IL33: variants seen among roughly 807,000 people sequenced by gnomAD.
The protein encoded by IL33 is interleukin-33.
In IL33, 37 loss-of-function variants were observed where a neutral mutation model predicts 27.3. The ratio of observed to expected loss-of-function variants is 1.36; its 90% CI spans 1.04 to 1.78. The LOEUF (loss-of-function observed/expected upper bound fraction) is 1.78, where lower values mean the gene tolerates loss of function less well. IL33 is among the 40% of genes most tolerant of loss of function. IL33 has a pLI of 0.00. For missense variants in IL33, 406 were observed against 311.4 expected (o/e 1.30, Z -2.29); for synonymous variants, 132 against 102.9 (o/e 1.28, Z -1.71).
chr9:6,245,935 C>T (rs1031798387), intron 2 of IL33, among the ~76,000 whole-genome samples: 3 of 150,760 alleles, frequency 2.0e-5, no homozygotes, highest in Non-Finnish European at 4.4e-5. Context: ...TGGTGGCGGG[C>T]GCCTGTAGTC....
At chr9:6,215,777 A>G (rs1818108087), upstream of IL33, 1 of 152,168 alleles carries the variant, frequency 6.6e-6, no homozygotes, top group Admixed American at 6.5e-5. Context: ...AACTTTGGCT[A>G]ATAAAAAGAG....
rs1379832426 is a variant in IL33, at chr9:6,256,413, C to T, written c.*245C>T. 2.6e-5 allele frequency: 13 copies of T among 509,626 alleles called. No individual in the cohort carries two copies. The highest frequency in any genetic ancestry group is 4.9e-4 in the Middle Eastern group (1 of 2,028). The allele number at this position is 509,626 out of a possible 1,614,324, so 31.6% of individuals were successfully genotyped here. On this transcript the variant is annotated 3_prime_UTR_variant, in exon 8 of 8. Coordinates refer to ENST00000682010, the MANE Select transcript of IL33 (RefSeq NM_033439.4). The stretch of plus-strand genomic sequence containing the variant: ...ATTAAATAGGGTATTGGTAAAGAAA[C>T]GGTCAACATTCTAAAGAGATACAGT...
At chr9:6,239,718 G>A (rs181875164) in intron 1 of IL33, among the ~76,000 whole-genome samples, 12 of 152,094 alleles carry the variant, frequency 7.9e-5, no homozygotes, top group Admixed American at 6.5e-5. Flanking sequence ...CAAGAACTCC[G>A]GGTGGCATCC....
chr9:6,229,278 T>C (rs1413951993), intron 1 of IL33, among the ~76,000 whole-genome samples: 1 of 152,110 alleles, frequency 6.6e-6, no homozygotes, highest in Admixed American at 6.5e-5. Flanking sequence ...GGGATGCCAA[T>C]CTACCTTTGC....
chr9:6,251,306 G>T, intron 4 of IL33, 41 bp downstream of exon 4: 1 of 1,607,632 alleles, frequency 6.2e-7, no homozygotes, highest in Admixed American at 1.7e-5. Context: ...TGAGGAGGGA[G>T]GTATGACACA....
chr9:6,219,583 G>A (rs1417544962), intron 1 of IL33, among the ~76,000 whole-genome samples: 3 of 152,128 alleles, frequency 2.0e-5, no homozygotes, highest in African/African-American at 7.2e-5. Flanking sequence ...TCATTGACCA[G>A]CTGTGTAATT....
At chr9:6,252,014 G>T (rs1262142170) in intron 4 of IL33, among the ~76,000 whole-genome samples, 1 of 144,318 alleles carries the variant, frequency 6.9e-6, no homozygotes, top group African/African-American at 2.6e-5. Context: ...TCTCGCCTGG[G>T]CAACAAGAGC....
At chr9:6,237,721 T>A (rs558354455) in intron 1 of IL33, among the ~76,000 whole-genome samples, 1 of 152,342 alleles carries the variant, frequency 6.6e-6, no homozygotes, top group Non-Finnish European at 1.5e-5. Context: ...CCCATATTTA[T>A]TTGAAAATAT....
intron 1 of IL33, among the ~76,000 whole-genome samples, chr9:6,218,913 TATATATATA>T (rs1472030941): frequency 9.7e-6 from 1 of 103,512 alleles, no homozygotes; most frequent in Non-Finnish European, 2.1e-5. Flanking sequence ...TATATATATA[TATATATATA>T]TATATATATA....
chr9:6,245,439 ATC>A (rs1314600361), intron 2 of IL33, among the ~76,000 whole-genome samples: 5 of 152,188 alleles, frequency 3.3e-5, no homozygotes, highest in African/African-American at 9.7e-5. Context: ...ATTTGACTTT[ATC>A]CTGTAGACAG....
intron 2 of IL33, 111 bp downstream of exon 2, chr9:6,241,896 A>C: frequency 1.3e-6 from 1 of 748,906 alleles, no homozygotes; most frequent in Non-Finnish European, 2.1e-6. Flanking sequence ...CTAAGAATAC[A>C]AGAACTAAAA....
intron 1 of IL33, among the ~76,000 whole-genome samples, chr9:6,221,661 G>T: frequency 6.6e-6 from 1 of 152,056 alleles, no homozygotes; most frequent in East Asian, 1.9e-4. Context: ...AGAGCATCTG[G>T]GTTTAGACCC....
chr9:6,236,388 A>G (rs1258070827), intron 1 of IL33, among the ~76,000 whole-genome samples: 1 of 152,236 alleles, frequency 6.6e-6, no homozygotes, highest in Non-Finnish European at 1.5e-5. Context: ...TTCTAAGTGC[A>G]CATGTATCTT....
rs533535426 is a variant in IL33, at chr9:6,241,785, A to G, written c.91A>G (p.Lys31Glu). 51 of 1,604,224 alleles carry G rather than the reference A, an allele frequency of 3.2e-5. No individual in the cohort carries two copies. In the Admixed American group the frequency reaches 5.7e-4, roughly 18 times the overall value. Reference protein sequence around the residue: ...ASKALCFKLGKSQQKAKEVCP... With the variant: ...ASKALCFKLGESQQKAKEVCP... ...CAAAGCCTTGTGTTTCAAGCTGGGA[A>G]GTAAGGACTTAAGTTATCTCTGAAT... is the stretch of plus-strand genomic sequence containing the variant. The change falls in exon 2 of 8, where the codon AAA (lysine) becomes GAA (glutamate). Residue 31 changes from lysine to glutamate, a missense_variant and splice_region_variant. Lys to Glu is a moderately conservative substitution (Grantham distance 56, BLOSUM62 1). Transcript: ENST00000682010.
Position 6,224,572 on chromosome 9 carries a change from C to T in IL33, c.-12+8720C>T, listed in dbSNP as rs528293512. 1.9e-4 allele frequency among the ~76,000 whole-genome samples: 29 copies of T among 152,242 alleles called. 1 individual carries two copies. In the South Asian group the frequency reaches 5.6e-3, roughly 29 times the overall value. On this transcript the variant is annotated intron_variant, in intron 1 of 7. Coordinates refer to ENST00000682010, the MANE Select transcript of IL33 (RefSeq NM_033439.4). ...TAGGCTTTAGAATCTGGGTACTATT[C>T]CCAGAATCAAAAGTGACTTAATAGG...
chr9:6,243,709 T>C (rs1372178030), intron 2 of IL33, among the ~76,000 whole-genome samples: 1 of 152,142 alleles, frequency 6.6e-6, no homozygotes. Context: ...AACACAAAAG[T>C]AAGTTAATGG....
At chr9:6,220,014 C>T (rs1016561221) in intron 1 of IL33, among the ~76,000 whole-genome samples, 1 of 152,178 alleles carries the variant, frequency 6.6e-6, no homozygotes, top group African/African-American at 2.4e-5. Context: ...TTCAAAGTTT[C>T]CATCATTTTC....
chr9:6,229,433 G>T (rs1049255021), intron 1 of IL33, among the ~76,000 whole-genome samples: 1 of 152,222 alleles, frequency 6.6e-6, no homozygotes, highest in Non-Finnish European at 1.5e-5. Context: ...CCACAGGCCA[G>T]CTGGAAAGTC....
chr9:6,222,426 G>T (rs1313687540), intron 1 of IL33, among the ~76,000 whole-genome samples: 1 of 152,196 alleles, frequency 6.6e-6, no homozygotes, highest in East Asian at 1.9e-4. Flanking sequence ...CATTGAGAGG[G>T]ACTCTCATTT....
Sources: allele counts gnomAD v4.1 joint callset (sites outside exome capture counted in the v4.1 genomes callset), GRCh38; gene constraint gnomAD v4.1.1; transcripts MANE v1.5; gene names NCBI Gene and HGNC (gene_info 2026-07-23, HGNC 2026-07-21).